ABL1: variants seen among roughly 807,000 people sequenced by gnomAD.
The protein encoded by ABL1 is tyrosine-protein kinase ABL1.
Under a neutral mutation model 94.7 loss-of-function variants are expected in ABL1, and 11 were observed. That is an observed-to-expected ratio of 0.12 (90% CI 0.07 to 0.19). The LOEUF (loss-of-function observed/expected upper bound fraction) is 0.19. Ranked by LOEUF, ABL1 falls within the 10% of genes least tolerant of loss-of-function variation. The pLI, the probability that ABL1 is intolerant of heterozygous loss-of-function variation, is 1.00. For missense variants in ABL1, 1,082 were observed against 1,489.4 expected (o/e 0.73, Z 4.50); for synonymous variants, 656 against 622.4 (o/e 1.05, Z -0.80).
intron 1 of ABL1, among the ~76,000 whole-genome samples, chr9:130,851,024 C>A (rs552427843): frequency 6.6e-6 from 1 of 151,626 alleles, no homozygotes; most frequent in Non-Finnish European, 1.5e-5. Flanking sequence ...CCCGGGTTCA[C>A]GCCATTCTCC....
At chr9:130,757,223 G>A (rs1397852276) in intron 1 of ABL1, among the ~76,000 whole-genome samples, 1 of 152,142 alleles carries the variant, frequency 6.6e-6, no homozygotes, top group Non-Finnish European at 1.5e-5. Context: ...ACTCCTGGAG[G>A]AGAAAGCCAG....
intron 1 of ABL1, among the ~76,000 whole-genome samples, chr9:130,775,923 A>G (rs1378552955): frequency 1.3e-5 from 2 of 152,224 alleles, no homozygotes; most frequent in Non-Finnish European, 2.9e-5. Flanking sequence ...CAGTATCTTA[A>G]AAGCGCTGAG....
At chr9:130,743,158 C>T (rs1345207434) in intron 1 of ABL1, among the ~76,000 whole-genome samples, 1 of 152,168 alleles carries the variant, frequency 6.6e-6, no homozygotes, top group African/African-American at 2.4e-5. Flanking sequence ...CTGCAACTTC[C>T]ATCTCCTGGG....
intron 1 of ABL1, among the ~76,000 whole-genome samples, chr9:130,733,615 G>A (rs1181727409): frequency 2.4e-5 from 3 of 125,992 alleles, no homozygotes; most frequent in East Asian, 2.5e-4. Context: ...AGTCTCACTC[G>A]TTGCCCAGGC....
chr9:130,739,725 C>T (rs1015325339), intron 1 of ABL1, among the ~76,000 whole-genome samples: 2 of 152,076 alleles, frequency 1.3e-5, no homozygotes, highest in African/African-American at 2.4e-5. Flanking sequence ...TCTGTGGGTA[C>T]TGGTAAGTCC....
chr9:130,808,887 A>G (rs1204836542), intron 1 of ABL1, among the ~76,000 whole-genome samples: 1 of 152,242 alleles, frequency 6.6e-6, no homozygotes, highest in South Asian at 2.1e-4. Flanking sequence ...TGGAGAAAAT[A>G]TGTCAAACTC....
Position 130,884,993 on chromosome 9 carries a change from C to G in ABL1, c.2703C>G (p.Pro901=), listed in dbSNP as rs56017837. 2,301 of 1,611,578 alleles carry G rather than the reference C, an allele frequency of 1.4e-3. 5 individuals carry two copies. Among genetic ancestry groups the G allele is most frequent in the Middle Eastern group, 2.8e-3 (17 of 6,054 alleles). The change falls in exon 11 of 11, where the codon CCC becomes CCG. Residue 901 remains proline, a synonymous_variant. Coordinates refer to ENST00000318560, the MANE Select transcript of ABL1 (RefSeq NM_005157.6). The surrounding 1 kb of genome is among the most constrained non-coding windows in gnomAD (Gnocchi z 5.6). ...KLSRLKPAPP[P]PPAASAGKAG... is the part of the protein sequence containing the mutation. ...CCAGGCTCAAACCTGCCCCGCCGCCCCCACCAGCAGCCTCTGCAGGGAAGG... is the reference window on the plus strand; with the variant it reads ...CCAGGCTCAAACCTGCCCCGCCGCCGCCACCAGCAGCCTCTGCAGGGAAGG...
intron 1 of ABL1, among the ~76,000 whole-genome samples, chr9:130,715,133 G>T (rs139720417): frequency 3.2e-4 from 48 of 152,250 alleles, no homozygotes; most frequent in Non-Finnish European, 5.0e-4. Flanking sequence ...GGCCAATAAA[G>T]GTTATCTGTG....
At chr9:130,883,016 G>A (rs1248762080) in intron 10 of ABL1, among the ~76,000 whole-genome samples, 1 of 151,982 alleles carries the variant, frequency 6.6e-6, no homozygotes, top group Non-Finnish European at 1.5e-5. Context: ...CTCCCCAGAG[G>A]AGCACCCAAG....
chr9:130,880,128 C>G lies in ABL1; in HGVS notation c.1484C>G (p.Thr495Arg). ...SFAEIHQAFE[T>R]MFQESSISDE... ...GCTGAAATCCACCAAGCCTTTGAAA[C>G]AATGTTCCAGGAATCCAGTATCTCA... The change falls in exon 9 of 11, where the codon ACA becomes AGA. Residue 495 changes from threonine to arginine, a missense_variant. By Grantham distance (71) the Thr-to-Arg change is moderately conservative. Transcript: ENST00000318560. This position sits in a 1 kb window ranked among gnomAD's most constrained non-coding sequence, Gnocchi z 4.4. 6.2e-7 allele frequency: 1 copy of G among 1,614,114 alleles called. No homozygotes were observed. Among genetic ancestry groups the G allele is most frequent in the Non-Finnish European group, 8.5e-7 (1 of 1,180,020 alleles).
At chr9:130,812,644 A>G (rs1004809782) in intron 1 of ABL1, among the ~76,000 whole-genome samples, 1 of 152,260 alleles carries the variant, frequency 6.6e-6, no homozygotes, top group Non-Finnish European at 1.5e-5. Context: ...ATAATTCTAA[A>G]TGTTTATGCA....
intron 3 of ABL1, among the ~76,000 whole-genome samples, chr9:130,855,910 A>G (rs1564312884): frequency 6.6e-6 from 1 of 151,644 alleles, no homozygotes; most frequent in East Asian, 1.9e-4. Context: ...CCGATGGTGT[A>G]TGTTTGTTTG....
intron 1 of ABL1, among the ~76,000 whole-genome samples, chr9:130,780,013 C>A (rs1340215858): frequency 6.6e-6 from 1 of 152,144 alleles, no homozygotes; most frequent in East Asian, 1.9e-4. Flanking sequence ...GGGCCGGGCG[C>A]GGTGGCTCAC....
chr9:130,748,525 A>G (rs1588221213), intron 1 of ABL1, among the ~76,000 whole-genome samples: 1 of 148,452 alleles, frequency 6.7e-6, no homozygotes, highest in African/African-American at 2.5e-5. Flanking sequence ...TGATCCTCCC[A>G]CCTCATCCTC....
At chr9:130,713,825 G>A (rs757961608) in exon 1 of ABL1, 4 of 219,980 alleles carry the variant, frequency 1.8e-5, no homozygotes, top group Admixed American at 5.8e-5. Context: ...AGAGAAGCGA[G>A]AGCGGCCACT....
chr9:130,885,593 GGCGACAGCAGGCAGTGGTCCA>G lies in ABL1; in HGVS notation c.3307_3327del (p.Thr1103_Ala1109del). 6.2e-7 allele frequency: 1 copy of G among 1,613,804 alleles called. No homozygotes were observed. Among genetic ancestry groups the G allele is most frequent in the Non-Finnish European group, 8.5e-7 (1 of 1,180,040 alleles). ...ATCTCCGGGAGCTTCAGATCTGCCC[GGCGACAGCAGGCAGTGGTCCA>G]GCGGCCACTCAGGACTTCAGCAAGC... On this transcript the variant is annotated inframe_deletion, in exon 11 of 11. Transcript: ENST00000318560.
intron 1 of ABL1, among the ~76,000 whole-genome samples, chr9:130,779,595 G>A (rs1829730247): frequency 6.6e-6 from 1 of 152,094 alleles, no homozygotes; most frequent in South Asian, 2.1e-4. Context: ...GGGAGGGGGA[G>A]GTTATAAATT....
At chr9:130,773,734 G>A (rs887288855) in intron 1 of ABL1, among the ~76,000 whole-genome samples, 1 of 149,140 alleles carries the variant, frequency 6.7e-6, no homozygotes, top group African/African-American at 2.5e-5. Context: ...TTCTGTTTCA[G>A]CCTCCCAAAA....
In ABL1 at chr9:130,761,079, C is replaced by T. The variant is rs551596863; in HGVS notation, c.136+46624C>T. On this transcript the variant is annotated intron_variant, in intron 1 of 10. Transcript: ENST00000372348. ...TCTCCTGCCTCAGCCTCCCGAGTAG[C>T]TGGGACTACAGGCGCCCACCACCAC... 4.6e-5 allele frequency among the ~76,000 whole-genome samples: 7 copies of T among 152,012 alleles called. No homozygotes were observed. The South Asian group carries it at 1.5e-3, about 32-fold the overall frequency.
Sources: allele counts gnomAD v4.1 joint callset (sites outside exome capture counted in the v4.1 genomes callset), GRCh38; gene constraint gnomAD v4.1.1; non-coding constraint Gnocchi (gnomAD v3.1); transcripts MANE v1.5; gene names NCBI Gene and HGNC (gene_info 2026-07-23, HGNC 2026-07-21).